Variants in CACNA1E observed in about 807,000 individuals in gnomAD.
CACNA1E encodes the protein voltage-dependent R-type calcium channel subunit alpha-1E.
A neutral mutation model predicts 259.2 loss-of-function variants in CACNA1E; 40 were observed. The ratio of observed to expected loss-of-function variants is 0.15; its 90% CI spans 0.12 to 0.20. The LOEUF (loss-of-function observed/expected upper bound fraction) is 0.20, where lower values mean the gene tolerates loss of function less well. CACNA1E is among the 10% of genes least tolerant of loss of function. CACNA1E has a pLI of 1.00. For synonymous variants in CACNA1E, 1,104 were observed against 1,138.5 expected (o/e 0.97, Z 0.61); for missense variants, 1,874 against 3,040.1 (o/e 0.62, Z 9.02).
intron 3 of CACNA1E, among the ~76,000 whole-genome samples, chr1:181,564,040 T>G (rs1649578824): frequency 6.6e-6 from 1 of 152,218 alleles, no homozygotes; most frequent in Non-Finnish European, 1.5e-5. Context: ...GTAATCTTTT[T>G]GCTCCTGGTA....
chr1:181,320,231 G>GA (rs1288289540), intron 1 of CACNA1E, among the ~76,000 whole-genome samples: 3 of 151,750 alleles, frequency 2.0e-5, no homozygotes, highest in African/African-American at 4.8e-5. Flanking sequence ...GAAGGAAGAG[G>GA]AAAAAAAATC....
intron 6 of CACNA1E, among the ~76,000 whole-genome samples, chr1:181,599,947 A>G (rs187301916): frequency 1.5e-4 from 23 of 152,372 alleles, no homozygotes; most frequent in Non-Finnish European, 3.1e-4. Flanking sequence ...TGGAATTCGT[A>G]TTATAGTGTG....
rs1661977312 is a variant in CACNA1E, at chr1:181,798,227, A to T, written c.6400-65A>T. ...AATTCAGATTCCAAGGACTCTCTTA[A>T]CAGAGTTGCAAGTAGGGATCATGCC... On this transcript the variant is annotated intron_variant, in intron 47 of 47. Coordinates refer to ENST00000367573, the MANE Select transcript of CACNA1E (RefSeq NM_001205293.3). The surrounding 1 kb of genome is among the most constrained non-coding windows in gnomAD (Gnocchi z 4.2). The T allele has an allele frequency of 1.5e-6, 2 of 1,337,584 alleles. No homozygotes were observed. Among genetic ancestry groups the T allele is most frequent in the South Asian group, 1.3e-5 (1 of 74,880 alleles). The allele number at this position is 1,337,584 out of a possible 1,614,324, so 82.9% of individuals were successfully genotyped here.
At chr1:181,549,421 T>TTTGCTTC (rs1477805889) in intron 3 of CACNA1E, among the ~76,000 whole-genome samples, 11 of 152,212 alleles carry the variant, frequency 7.2e-5, no homozygotes, top group African/African-American at 2.7e-4. Context: ...TGTTTCTGAA[T>TTTGCTTC]AGTTTCCCTT....
At chr1:181,603,762 A>G (rs781309367) in intron 6 of CACNA1E, among the ~76,000 whole-genome samples, 4 of 152,146 alleles carry the variant, frequency 2.6e-5, no homozygotes, top group Non-Finnish European at 5.9e-5. Context: ...TTGATAGCCT[A>G]GGACTAATCT....
intron 45 of CACNA1E, among the ~76,000 whole-genome samples, chr1:181,794,396 C>T (rs1162635142): frequency 6.6e-6 from 1 of 152,162 alleles, no homozygotes; most frequent in Non-Finnish European, 1.5e-5. Context: ...TGCAAGCTCT[C>T]CTAGGCTCTA....
intron 1 of CACNA1E, among the ~76,000 whole-genome samples, chr1:181,362,613 T>C (rs1653968245): frequency 6.6e-6 from 1 of 152,244 alleles, no homozygotes; most frequent in African/African-American, 2.4e-5. Flanking sequence ...TGTAAAATGC[T>C]GTAAGGGATT....
chr1:181,692,084 A>G (rs973411330), intron 7 of CACNA1E, among the ~76,000 whole-genome samples: 1 of 152,072 alleles, frequency 6.6e-6, no homozygotes, highest in African/African-American at 2.4e-5. Context: ...AAAAATAAAT[A>G]CCTAGCAATA....
intron 3 of CACNA1E, among the ~76,000 whole-genome samples, chr1:181,572,330 C>T (rs1042428085): frequency 2.0e-5 from 3 of 152,304 alleles, no homozygotes; most frequent in East Asian, 1.9e-4. Context: ...GCTATGGCCA[C>T]AATGAGAAAG....
intron 1 of CACNA1E, among the ~76,000 whole-genome samples, chr1:181,375,720 G>A (rs1655057982): frequency 6.6e-6 from 1 of 152,124 alleles, no homozygotes; most frequent in Non-Finnish European, 1.5e-5. Context: ...GCAATGGCAA[G>A]CAATGGAGCC....
chr1:181,672,063 A>C (rs1429558376), intron 7 of CACNA1E, among the ~76,000 whole-genome samples: 1 of 152,254 alleles, frequency 6.6e-6, no homozygotes, highest in African/African-American at 2.4e-5. Context: ...CATAAAAAAG[A>C]ACAAGATTAT....
At chr1:181,430,112 C>A (rs1398588257) in intron 2 of CACNA1E, among the ~76,000 whole-genome samples, 2 of 152,188 alleles carry the variant, frequency 1.3e-5, no homozygotes. Flanking sequence ...GCAACTGGAA[C>A]ATCTCTGAAA....
At chr1:181,760,184 T>C (rs1658458346) in intron 32 of CACNA1E, among the ~76,000 whole-genome samples, 1 of 152,160 alleles carries the variant, frequency 6.6e-6, no homozygotes, top group Non-Finnish European at 1.5e-5. Context: ...ATTATGTGTC[T>C]AATTATGGTG....
intron 6 of CACNA1E, among the ~76,000 whole-genome samples, chr1:181,644,399 C>T (rs750490939): frequency 6.6e-6 from 1 of 152,152 alleles, no homozygotes; most frequent in Admixed American, 6.5e-5. Context: ...TCTCATCATC[C>T]TCTTCCAAGA....
At chr1:181,711,974 G>C (rs1000678348) in intron 8 of CACNA1E, among the ~76,000 whole-genome samples, 1 of 152,202 alleles carries the variant, frequency 6.6e-6, no homozygotes, top group African/African-American at 2.4e-5. Context: ...GAAGGATAAG[G>C]CTGGAAGCAG....
At chr1:181,418,521 C>T (rs1354659704) in intron 2 of CACNA1E, among the ~76,000 whole-genome samples, 1 of 152,216 alleles carries the variant, frequency 6.6e-6, no homozygotes, top group East Asian at 1.9e-4. Flanking sequence ...TGTCTGTACT[C>T]AGGACCTCTT....
rs1310576836 is a variant in CACNA1E at position 181,798,435 on chromosome 1, C to A, written c.6543C>A (p.Ser2181Arg). The A allele has an allele frequency of 2.5e-6, 4 of 1,613,678 alleles. No homozygotes were observed. The highest frequency in any genetic ancestry group is 3.4e-6 in the Non-Finnish European group (4 of 1,179,898). The part of the protein sequence containing the change: ...SYSSLIRHAG[S>R]ISPPADGSEE... ...GCTCCCTGATTCGACACGCGGGCAG[C>A]ATCTCTCCACCTGCTGATGGAAGCG... Residue 2181 changes from serine to arginine, a missense_variant, in exon 48 of 48, where the codon AGC (serine) becomes AGA (arginine). Transcript: ENST00000367573. The surrounding 1 kb of genome is among the most constrained non-coding windows in gnomAD (Gnocchi z 4.2).
At chr1:181,529,065 C>T (rs1159037604) in intron 3 of CACNA1E, among the ~76,000 whole-genome samples, 1 of 152,150 alleles carries the variant, frequency 6.6e-6, no homozygotes, top group African/African-American at 2.4e-5. Flanking sequence ...CCCAGAGGCC[C>T]AGGAGGAAAA....
chr1:181,427,804 T>G, intron 2 of CACNA1E, among the ~76,000 whole-genome samples: 1 of 133,950 alleles, frequency 7.5e-6, no homozygotes, highest in South Asian at 2.8e-4. Context: ...CCTCCTCCCC[T>G]TCCCTCTTTC....
Sources: allele counts gnomAD v4.1 joint callset (sites outside exome capture counted in the v4.1 genomes callset), GRCh38; gene constraint gnomAD v4.1.1; non-coding constraint Gnocchi (gnomAD v3.1); transcripts MANE v1.5; gene names NCBI Gene and HGNC (gene_info 2026-07-23, HGNC 2026-07-21).